DDOST: variants seen among roughly 807,000 people sequenced by gnomAD.
The protein encoded by DDOST is dolichyl-diphosphooligosaccharide--protein glycosyltransferase non-catalytic subunit.
A neutral mutation model predicts 47.6 loss-of-function variants in DDOST; 25 were observed. The ratio of observed to expected loss-of-function variants is 0.53; its 90% CI spans 0.38 to 0.73. The LOEUF (loss-of-function observed/expected upper bound fraction) is 0.73. DDOST is among the 30% of genes least tolerant of loss of function. DDOST has a pLI of 0.00. For synonymous variants in DDOST, 275 were observed against 236.0 expected, an observed-to-expected ratio of 1.17 and a Z score of -1.51; for missense variants, 526 against 573.9, an observed-to-expected ratio of 0.92 and a Z score of 0.85.
At chr1:20,653,821 C>A in intron 7 of DDOST, 47 bp from the exon 8 acceptor site, 1 of 1,590,978 alleles carries the variant, frequency 6.3e-7, no homozygotes, top group Non-Finnish European at 8.6e-7. Flanking sequence ...GCCACCTTTC[C>A]AGTGGTGCCT....
rs1438084268 is a variant in DDOST at position 20,652,068 on chromosome 1, G to A, written c.*311C>T. On this transcript the variant is annotated 3_prime_UTR_variant, in exon 11 of 11. Transcript: ENST00000602624. The stretch of plus-strand genomic sequence containing the variant: ...TCTCGATCTCCTGACCTCGTGAGCC[G>A]CCTGCCTCGGCCTCCCAAAGTGCTG... 5.5e-5 allele frequency: 11 copies of A among 199,806 alleles called. No individual in the cohort carries two copies. Among genetic ancestry groups the A allele is most frequent in the African/African-American group, 2.1e-4 (9 of 42,442 alleles). The allele number at this position is 199,806 out of a possible 1,614,324, so 12.4% of individuals were successfully genotyped here.
intron 2 of DDOST, among the ~76,000 whole-genome samples, chr1:20,656,512 G>A (rs1053990016): frequency 5.3e-4 from 81 of 152,174 alleles, no homozygotes; most frequent in Middle Eastern, 3.2e-3. Context: ...TGGAAATGCC[G>A]TACTGCCCAT....
At position 20,652,489 on chromosome 1, in the gene DDOST, A is replaced by G. The variant is rs769192887; in HGVS notation, c.1210T>C (p.Phe404Leu). ...TAGTAGGGGTAGGCCGAGGGGATGA[A>G]GCGCTCATACTGCGTGTGCTGGAGT... ...RPLQHTQYER[F>L]IPSAYPYYAS... Residue 404 changes from phenylalanine (F) to leucine (L), a missense_variant, in exon 11 of 11, where the codon TTC becomes CTC. Physicochemically the swap from Phe to Leu is conservative, Grantham distance 22. Coordinates refer to ENST00000602624, the MANE Select transcript of DDOST (RefSeq NM_005216.5). 6.2e-7 allele frequency: 1 copy of G among 1,613,884 alleles called. No homozygotes were observed. The highest frequency in any genetic ancestry group is 8.5e-7 in the Non-Finnish European group (1 of 1,179,992).
chr1:20,654,700 C>A lies in DDOST; in HGVS notation c.559G>T (p.Ala187Ser). ...AGCACCAAAGGGTTATCAGGATCGGCCACCATCCTGCAGCAGGACGAGAGC... is the reference window on the plus strand; with the variant it reads ...AGCACCAAAGGGTTATCAGGATCGGACACCATCCTGCAGCAGGACGAGAGC... ...PILFRGVGMV[A>S]DPDNPLVLDI... Residue 187 changes from alanine to serine, a missense_variant, in exon 6 of 11, where the codon GCC (alanine) becomes TCC (serine). By Grantham distance (99) the Ala-to-Ser change is moderately conservative. Transcript: ENST00000602624. 6.4e-7 allele frequency: 1 copy of A among 1,555,900 alleles called. No homozygotes were observed. Among genetic ancestry groups the A allele is most frequent in the Non-Finnish European group, 8.7e-7 (1 of 1,148,878 alleles).
At chr1:20,658,169 T>C (rs2053396096) in intron 2 of DDOST, among the ~76,000 whole-genome samples, 1 of 152,224 alleles carries the variant, frequency 6.6e-6, no homozygotes. Context: ...CTGAACCCAC[T>C]TCCCCATCTA....
intron 6 of DDOST, 37 bp downstream of exon 6, chr1:20,654,577 T>A: frequency 6.6e-7 from 1 of 1,522,248 alleles, no homozygotes; most frequent in Non-Finnish European, 8.9e-7. Context: ...TTCTGCTTCA[T>A]TTTTATTTCG....
Position 20,660,869 on chromosome 1 carries a change from C to T in DDOST, c.265+12G>A, listed in dbSNP as rs1057523700. On this transcript the variant is annotated intron_variant, in intron 2 of 10. Coordinates refer to ENST00000602624, the MANE Select transcript of DDOST (RefSeq NM_005216.5). ...TCGAATTCCAGTGCTAGGGGCGACG[C>T]GGAACCCTTACCTTCTACCGAAGGG... The T allele has an allele frequency of 2.0e-6, 3 of 1,528,776 alleles. No homozygotes were observed. The highest frequency in any genetic ancestry group is 1.8e-6 in the Non-Finnish European group (2 of 1,103,110). 94.7% of individuals were successfully genotyped at this position (1,528,776 alleles called of 1,614,324 possible). A position where few individuals can be genotyped will look rare whatever the true frequency, so the allele number is the denominator to read the frequency against.
In DDOST at chr1:20,660,960, A is replaced by G; in HGVS notation, c.186T>C (p.Ala62=). 6.2e-7 allele frequency: 1 copy of G among 1,613,930 alleles called. No individual in the cohort carries two copies. Among genetic ancestry groups the G allele is most frequent in the South Asian group, 1.1e-5 (1 of 91,074 alleles). The change falls in exon 2 of 11, where the codon GCT becomes GCC. Residue 62 remains alanine, a synonymous_variant. Transcript: ENST00000602624. ...TTATGAGAGACAGGCTGGGGTCATC[A>G]GCGGTCTTGAATGTGAGCTCAAAGC... ...DRGFELTFKT[A]DDPSLSLIKY...
At position 20,652,188 on chromosome 1, in the gene DDOST, C is replaced by CAA. The variant is rs2053298841; in HGVS notation, c.*189_*190dup. 3 of 539,896 alleles carry CAA rather than the reference C, an allele frequency of 5.6e-6. No homozygotes were observed. The highest frequency in any genetic ancestry group is 3.7e-5 in the Admixed American group (1 of 26,836). The allele number at this position is 539,896 out of a possible 1,614,324, so 33.4% of individuals were successfully genotyped here. On this transcript the variant is annotated 3_prime_UTR_variant, in exon 11 of 11. Coordinates refer to ENST00000602624, the MANE Select transcript of DDOST (RefSeq NM_005216.5). ...AGGAAAAATGCCACTTTTAGCAATTCAAAGTGGAAAAACTTCTTTTATATA... is the reference window on the plus strand; with the variant it reads ...AGGAAAAATGCCACTTTTAGCAATTCAAAAAGTGGAAAAACTTCTTTTATATA...
At chr1:20,655,654 G>A (rs376445992) in intron 4 of DDOST, 22 bp downstream of exon 4, 26 of 1,604,110 alleles carry the variant, frequency 1.6e-5, no homozygotes, top group Non-Finnish European at 2.2e-5. Context: ...CCTGAAACCT[G>A]GAAGGTGACA....
intron 2 of DDOST, among the ~76,000 whole-genome samples, chr1:20,657,749 C>CT (rs2053390775): frequency 6.6e-6 from 1 of 152,178 alleles, no homozygotes; most frequent in Non-Finnish European, 1.5e-5. Flanking sequence ...ACCTGACTGA[C>CT]TTTCAGGCAT....
At chr1:20,653,483 T>C (rs976808796) in intron 8 of DDOST, 144 bp downstream of exon 8, 2 of 812,172 alleles carry the variant, frequency 2.5e-6, no homozygotes, top group Non-Finnish European at 3.7e-6. Flanking sequence ...GCATCTCACC[T>C]GGCATGCTTA....
intron 9 of DDOST, 58 bp downstream of exon 9, chr1:20,652,793 G>A (rs2154534189): frequency 6.3e-7 from 1 of 1,597,234 alleles, no homozygotes; most frequent in East Asian, 2.2e-5. Flanking sequence ...TGGGCCTCGA[G>A]AGCAAGTGAG....
intron 8 of DDOST, among the ~76,000 whole-genome samples, chr1:20,653,274 C>T (rs2053318465): frequency 6.6e-6 from 1 of 152,252 alleles, no homozygotes; most frequent in Non-Finnish European, 1.5e-5. Context: ...GTGCCAGGCA[C>T]TTTCAAGTAT....
At position 20,654,662 on chromosome 1, in the gene DDOST, C is replaced by T. The variant is rs755031163; in HGVS notation, c.597G>A (p.Thr199=). ...AGAAGGAGTAAGAGGTGGAAGAGCC[C>T]GTCAGGATGTCCAGCACCAAAGGGT... ...PDNPLVLDIL[T]GSSTSYSFFP... Residue 199 remains threonine (T), a synonymous_variant, in exon 6 of 11, where the codon ACG becomes ACA. Coordinates refer to ENST00000602624, the MANE Select transcript of DDOST (RefSeq NM_005216.5). 21 of 1,564,624 alleles carry T rather than the reference C, an allele frequency of 1.3e-5. No individual in the cohort carries two copies. Among genetic ancestry groups the T allele is most frequent in the Admixed American group, 5.6e-5 (3 of 53,192 alleles).
At chr1:20,654,835 C>T in intron 5 of DDOST, 128 bp from the exon 6 acceptor site, 1 of 661,120 alleles carries the variant, frequency 1.5e-6, no homozygotes, top group South Asian at 1.7e-5. Flanking sequence ...TAGCTCTTGT[C>T]TTGATATAAC....
rs775115030 is a variant in DDOST, at chr1:20,654,313, T to C, written c.704A>G (p.Asn235Ser). Residue 235 changes from asparagine to serine, a missense_variant, in exon 7 of 11, where the codon AAT becomes AGT. Asn to Ser is a conservative substitution (Grantham distance 46). Coordinates refer to ENST00000602624, the MANE Select transcript of DDOST (RefSeq NM_005216.5). ...LLIAGLQARN[N>S]ARVIFSGSLD... ...GGAGCCGCTGAAGATGACGCGGGCA[T>C]TGTTCCTGGCCTGGAGCCCAGCAAT... 1 of 1,555,512 alleles carries C rather than the reference T, an allele frequency of 6.4e-7. No homozygotes were observed. The highest frequency in any genetic ancestry group is 8.7e-7 in the Non-Finnish European group (1 of 1,148,810).
At chr1:20,658,202 G>T (rs547095497) in intron 2 of DDOST, among the ~76,000 whole-genome samples, 33 of 152,330 alleles carry the variant, frequency 2.2e-4, no homozygotes, top group Admixed American at 1.9e-3. Flanking sequence ...GGTTTTTCCC[G>T]GGTATAGAGG....
In DDOST at chr1:20,652,937, C is replaced by T. The variant is rs778884507; in HGVS notation, c.977G>A (p.Gly326Asp). The T allele has an allele frequency of 1.5e-5, 24 of 1,614,184 alleles. No individual in the cohort carries two copies. Among genetic ancestry groups the T allele is most frequent in the Non-Finnish European group, 2.0e-5 (24 of 1,180,030 alleles). ...ATCGCCATCAAAGGGGACCCATTTG[C>T]CATTTGAGAGCTGCTGGATCACGAT... Reference protein sequence around the residue: ...YSIVIQQLSNGKWVPFDGDDI... With the variant: ...YSIVIQQLSNDKWVPFDGDDI... Residue 326 changes from glycine (G) to aspartate (D), a missense_variant, in exon 9 of 11, where the codon GGC (glycine) becomes GAC (aspartate). Coordinates refer to ENST00000602624, the MANE Select transcript of DDOST (RefSeq NM_005216.5).
Sources: gnomAD v4.1 joint callset for allele counts (sites outside exome capture counted in the v4.1 genomes callset) on GRCh38, gnomAD v4.1.1 for gene constraint, MANE v1.5 for transcripts, NCBI Gene and HGNC (gene_info 2026-07-23, HGNC 2026-07-21) for gene names.